LY75: variants seen among roughly 807,000 people sequenced by gnomAD.
LY75 encodes lymphocyte antigen 75.
In LY75, 185 loss-of-function variants were observed where a neutral mutation model predicts 231.7. That is an observed-to-expected ratio of 0.80 (90% CI 0.71 to 0.90). The LOEUF (loss-of-function observed/expected upper bound fraction) is 0.90. Among genes scored for constraint, LY75 ranks in the 40% least tolerant of loss-of-function variants. The pLI, the probability that LY75 is intolerant of heterozygous loss-of-function variation, is 0.00. For synonymous variants in LY75, 668 were observed against 689.0 expected, an observed-to-expected ratio of 0.97 and a Z score of 0.48; for missense variants, 1,947 against 2,050.2, an observed-to-expected ratio of 0.95 and a Z score of 0.97.
chr2:159,857,045 A>G (rs1037082904), intron 16 of LY75, among the ~76,000 whole-genome samples: 1 of 152,196 alleles, frequency 6.6e-6, no homozygotes, highest in Non-Finnish European at 1.5e-5. Flanking sequence ...GTCCGAATTA[A>G]TTATATACAA....
chr2:159,832,226 C>T (rs1057054445), intron 27 of LY75, among the ~76,000 whole-genome samples: 3 of 152,112 alleles, frequency 2.0e-5, no homozygotes, highest in Non-Finnish European at 4.4e-5. Context: ...CTGTTAGGAA[C>T]CGGGCCTGTT....
chr2:159,831,788 T>C lies in LY75; in HGVS notation c.3842-2A>G. 3.1e-6 allele frequency: 5 copies of C among 1,594,794 alleles called. No homozygotes were observed. Among genetic ancestry groups the C allele is most frequent in the East Asian group, 2.2e-5 (1 of 44,556 alleles). On this transcript the variant is annotated splice_acceptor_variant, in intron 27 of 34. Coordinates refer to ENST00000263636, the MANE Select transcript of LY75 (RefSeq NM_002349.4). LOFTEE classifies it high-confidence loss of function. ...TACTCAGAATATGTGATTTTGGATC[T>C]GTTGAATAAAAAATAATCAATAATT...
At chr2:159,807,245 C>A in intron 33 of LY75, 105 bp from the exon 34 acceptor site, 3 of 1,258,448 alleles carry the variant, frequency 2.4e-6, no homozygotes, top group Non-Finnish European at 3.2e-6. Flanking sequence ...AATATGAGAG[C>A]CACTTGTTAA....
intron 15 of LY75, among the ~76,000 whole-genome samples, chr2:159,860,326 A>T (rs1292855574): frequency 6.6e-6 from 1 of 152,182 alleles, no homozygotes; most frequent in Non-Finnish European, 1.5e-5. Flanking sequence ...AAGTGGCATC[A>T]ATCTGATTTC....
At chr2:159,856,930 C>G (rs1161252586) in intron 16 of LY75, among the ~76,000 whole-genome samples, 1 of 152,102 alleles carries the variant, frequency 6.6e-6, no homozygotes, top group Admixed American at 6.6e-5. Flanking sequence ...GGCAGCAGCT[C>G]CCATCGAGGG....
At chr2:159,854,113 G>GA (rs1684479577) in intron 18 of LY75, among the ~76,000 whole-genome samples, 1 of 152,120 alleles carries the variant, frequency 6.6e-6, no homozygotes, top group African/African-American at 2.4e-5. Flanking sequence ...CAGGAAATTA[G>GA]AATGATCTAT....
intron 12 of LY75, among the ~76,000 whole-genome samples, chr2:159,874,736 TGTAA>T (rs1685189802): frequency 4.1e-5 from 1 of 24,394 alleles, no homozygotes; most frequent in African/African-American, 1.5e-4. Context: ...TGTAAATATA[TGTAA>T]ATATATATAT....
chr2:159,842,458 A>G (rs772827150), intron 23 of LY75, 84 bp from the exon 24 acceptor site: 2 of 1,431,290 alleles, frequency 1.4e-6, no homozygotes, highest in Non-Finnish European at 1.9e-6. Flanking sequence ...TTCTAGATTG[A>G]ATTTGTCCCC....
At chr2:159,821,632 AG>A (rs60239530) in intron 28 of LY75, among the ~76,000 whole-genome samples, 39,546 of 136,540 alleles carry the variant, frequency 0.29, 6,514 homozygotes, top group East Asian at 0.6. Context: ...AAAAAAAAAA[AG>A]AAAAGAAAAG....
intron 28 of LY75, among the ~76,000 whole-genome samples, chr2:159,827,113 T>A (rs536615507): frequency 1.1e-4 from 16 of 152,144 alleles, no homozygotes; most frequent in Middle Eastern, 3.4e-3. Context: ...ACAAATGGGA[T>A]CTAATTAAAC....
At chr2:159,819,565 A>G (rs1488787688) in intron 29 of LY75, among the ~76,000 whole-genome samples, 161 bp downstream of exon 29, 1 of 152,234 alleles carries the variant, frequency 6.6e-6, no homozygotes, top group Non-Finnish European at 1.5e-5. Context: ...AAACCTTGAC[A>G]GCAGGGCCCG....
chr2:159,830,868 C>T (rs766452444), intron 28 of LY75, among the ~76,000 whole-genome samples: 7 of 152,126 alleles, frequency 4.6e-5, no homozygotes, highest in East Asian at 1.9e-4. Flanking sequence ...AGGCGTGGGA[C>T]GCTACACCTG....
At chr2:159,897,467 A>T (rs149097982) in intron 2 of LY75, among the ~76,000 whole-genome samples, 1,209 of 119,966 alleles carry the variant, frequency 0.01, 24 homozygotes, top group African/African-American at 0.028. Context: ...CCAGGGAATG[A>T]TGAAAAGGAA....
At chr2:159,822,152 C>T (rs770518445) in intron 28 of LY75, among the ~76,000 whole-genome samples, 1 of 152,194 alleles carries the variant, frequency 6.6e-6, no homozygotes, top group Non-Finnish European at 1.5e-5. Context: ...TTTCCCCATA[C>T]CCAAGTGGTG....
At chr2:159,807,897 G>A in intron 33 of LY75, 9 of 984,976 alleles carry the variant, frequency 9.1e-6, no homozygotes, top group East Asian at 2.3e-4. Context: ...TCAATTATCT[G>A]CAATTTTATA....
intron 11 of LY75, among the ~76,000 whole-genome samples, chr2:159,876,583 G>A (rs1255305825): frequency 6.6e-6 from 1 of 152,094 alleles, no homozygotes. Context: ...TGCAATAATG[G>A]TAAAGAGAGC....
intron 1 of LY75, among the ~76,000 whole-genome samples, chr2:159,901,605 T>C (rs573918589): frequency 6.6e-6 from 1 of 152,226 alleles, no homozygotes; most frequent in African/African-American, 2.4e-5. Context: ...CATTTCTTTA[T>C]ACAGTGGAAA....
rs748511649 is a variant in LY75, at chr2:159,842,240, G to A, written c.3280+5C>T. 1.9e-6 allele frequency: 3 copies of A among 1,607,314 alleles called. No individual in the cohort carries two copies. Among genetic ancestry groups the A allele is most frequent in the Non-Finnish European group, 2.5e-6 (3 of 1,176,592 alleles). On this transcript the variant is annotated splice_donor_5th_base_variant and intron_variant, in intron 24 of 34. Transcript: ENST00000263636. ...TACCATAGTTATCTAGATAATAATT[G>A]TTACCTGAATATTTCTGACAGAGAG... is the stretch of plus-strand genomic sequence containing the variant.
intron 28 of LY75, among the ~76,000 whole-genome samples, chr2:159,821,399 T>C (rs927206566): frequency 3.3e-5 from 5 of 151,468 alleles, no homozygotes; most frequent in Non-Finnish European, 7.4e-5. Flanking sequence ...GCAGATCACC[T>C]GAGGTCAGGA....
Sources: allele counts gnomAD v4.1 joint callset (sites outside exome capture counted in the v4.1 genomes callset), GRCh38; gene constraint gnomAD v4.1.1; transcripts MANE v1.5; gene names NCBI Gene and HGNC (gene_info 2026-07-23, HGNC 2026-07-21).